GAPVD1: variants seen among roughly 807,000 people sequenced by gnomAD.
The protein encoded by GAPVD1 is GTPase-activating protein and VPS9 domain-containing protein 1.
In GAPVD1, 35 loss-of-function variants were observed where a neutral mutation model predicts 155.5. The ratio of observed to expected loss-of-function variants is 0.23; its 90% CI spans 0.17 to 0.30. GAPVD1 has a LOEUF of 0.30. Among genes scored for constraint, GAPVD1 ranks in the 10% least tolerant of loss-of-function variants. The pLI is 1.00. For synonymous variants in GAPVD1, 636 were observed against 619.7 expected, an observed-to-expected ratio of 1.03 and a Z score of -0.39; for missense variants, 1,429 against 1,775.7, an observed-to-expected ratio of 0.80 and a Z score of 3.51.
chr9:125,311,884 T>C (rs1231672111), intron 8 of GAPVD1, among the ~76,000 whole-genome samples: 1 of 152,034 alleles, frequency 6.6e-6, no homozygotes. Context: ...CATGCCTGGC[T>C]AATTTTTTGT....
chr9:125,294,809 A>G (rs1211015178), intron 2 of GAPVD1, among the ~76,000 whole-genome samples: 5 of 152,004 alleles, frequency 3.3e-5, no homozygotes, highest in East Asian at 1.9e-4. Flanking sequence ...TGGAGACACT[A>G]TGTTTTGTGT....
At chr9:125,296,619 G>T (rs1412653590) in intron 3 of GAPVD1, among the ~76,000 whole-genome samples, 1 of 150,330 alleles carries the variant, frequency 6.7e-6, no homozygotes, top group African/African-American at 2.5e-5. Flanking sequence ...CTCCCAAAGT[G>T]CTGGGATTAC....
At chr9:125,318,631 T>C (rs1051071212) in intron 9 of GAPVD1, among the ~76,000 whole-genome samples, 1 of 152,220 alleles carries the variant, frequency 6.6e-6, no homozygotes, top group African/African-American at 2.4e-5. Context: ...AAAATATTTA[T>C]GTTGGCCAGT....
At chr9:125,289,282 A>G (rs370419816) in intron 2 of GAPVD1, among the ~76,000 whole-genome samples, 8 of 152,150 alleles carry the variant, frequency 5.3e-5, no homozygotes, top group Admixed American at 2.6e-4. Context: ...CGGGAGCCCT[A>G]TGATTTGACT....
chr9:125,360,084 A>G (rs904218306), intron 26 of GAPVD1, among the ~76,000 whole-genome samples: 7 of 152,224 alleles, frequency 4.6e-5, no homozygotes, highest in African/African-American at 1.4e-4. Context: ...CAACAATGGT[A>G]CATATTTTTA....
At chr9:125,314,850 C>T (rs944806655) in intron 9 of GAPVD1, among the ~76,000 whole-genome samples, 70 of 145,466 alleles carry the variant, frequency 4.8e-4, no homozygotes, top group Admixed American at 1.2e-3. Context: ...TGCAGTGGTG[C>T]GATCTCGGCT....
chr9:125,358,111 T>G (rs1564474462), intron 25 of GAPVD1, among the ~76,000 whole-genome samples: 1 of 152,058 alleles, frequency 6.6e-6, no homozygotes, highest in Non-Finnish European at 1.5e-5. Flanking sequence ...CTCCTCTGTA[T>G]TTTCTCCTTT....
intron 12 of GAPVD1, among the ~76,000 whole-genome samples, chr9:125,328,407 G>C (rs62581371): frequency 1.3e-4 from 17 of 134,996 alleles, no homozygotes; most frequent in African/African-American, 2.1e-4. Context: ...TGACTCTTAA[G>C]GAGCATGCTG....
intron 2 of GAPVD1, among the ~76,000 whole-genome samples, chr9:125,293,800 ATTT>A (rs1290935751): frequency 7.9e-6 from 1 of 127,382 alleles, no homozygotes; most frequent in Non-Finnish European, 1.6e-5. Context: ...ATATATAAAA[ATTT>A]TTATATTTAT....
chr9:125,287,263 C>T (rs1248094666), intron 2 of GAPVD1, among the ~76,000 whole-genome samples: 1 of 152,028 alleles, frequency 6.6e-6, no homozygotes, highest in South Asian at 2.1e-4. Context: ...ATGGGCCGGG[C>T]GCAGTGGCTC....
chr9:125,354,421 A>G (rs903722852), intron 23 of GAPVD1, among the ~76,000 whole-genome samples: 3 of 152,176 alleles, frequency 2.0e-5, no homozygotes, highest in Admixed American at 6.5e-5. Context: ...AGATCCTCCC[A>G]AACAAAATGC....
intron 19 of GAPVD1, chr9:125,345,864 TAA>T (rs1250674398): frequency 6.6e-6 from 1 of 151,674 alleles, no homozygotes; most frequent in Non-Finnish European, 1.5e-5. Context: ...TATATACACA[TAA>T]GTGTGTGTGT....
chr9:125,280,872 G>T (rs576168226), intron 2 of GAPVD1, among the ~76,000 whole-genome samples: 2 of 152,124 alleles, frequency 1.3e-5, no homozygotes, highest in East Asian at 3.9e-4. Flanking sequence ...AACGTGCCCA[G>T]CCAACTGTTA....
chr9:125,293,400 C>T (rs1838910439), intron 2 of GAPVD1, among the ~76,000 whole-genome samples: 1 of 150,358 alleles, frequency 6.7e-6, no homozygotes, highest in Non-Finnish European at 1.5e-5. Context: ...ATTGTCAGTG[C>T]CTGGCACAGT....
At chr9:125,342,938 G>C (rs1182308720) in intron 19 of GAPVD1, among the ~76,000 whole-genome samples, 1 of 152,122 alleles carries the variant, frequency 6.6e-6, no homozygotes, top group Non-Finnish European at 1.5e-5. Context: ...CTGATTAAGC[G>C]TTTGTATTTC....
chr9:125,313,972 C>T (rs1843019752), intron 9 of GAPVD1, among the ~76,000 whole-genome samples: 1 of 152,148 alleles, frequency 6.6e-6, no homozygotes, highest in Non-Finnish European at 1.5e-5. Context: ...TGCTAAGCTC[C>T]CTGTGAACAG....
At chr9:125,294,516 T>A (rs1487405361) in intron 2 of GAPVD1, among the ~76,000 whole-genome samples, 1 of 151,668 alleles carries the variant, frequency 6.6e-6, no homozygotes, top group Non-Finnish European at 1.5e-5. Flanking sequence ...CCGGCTAATT[T>A]TTGAATTTTT....
intron 8 of GAPVD1, among the ~76,000 whole-genome samples, chr9:125,312,149 T>C (rs1470662081): frequency 6.6e-6 from 1 of 152,206 alleles, no homozygotes; most frequent in African/African-American, 2.4e-5. Flanking sequence ...ACTCCAAGTC[T>C]TAAATTTATT....
At chr9:125,355,527 C>A in intron 24 of GAPVD1, 117 bp from the exon 25 acceptor site, 1 of 654,996 alleles carries the variant, frequency 1.5e-6, no homozygotes, top group Non-Finnish European at 2.6e-6. Context: ...ACACTTTTGG[C>A]TTTAAGATCA....
Sources: allele counts gnomAD v4.1 joint callset (sites outside exome capture counted in the v4.1 genomes callset), GRCh38; gene constraint gnomAD v4.1.1; transcripts MANE v1.5; gene names NCBI Gene and HGNC (gene_info 2026-07-23, HGNC 2026-07-21).